Variants in UTRN observed in about 807,000 individuals in gnomAD.
UTRN encodes the protein dystrophin-related protein 1.
UTRN carries 283 observed loss-of-function variants against 463.9 expected under a neutral mutation model. That is an observed-to-expected ratio of 0.61 (90% CI 0.55 to 0.67). UTRN has a LOEUF of 0.67. Among genes scored for constraint, UTRN ranks in the 30% least tolerant of loss-of-function variants. The pLI, the probability that UTRN is intolerant of heterozygous loss-of-function variation, is 0.00. For synonymous variants in UTRN, 1,442 were observed against 1,431.5 expected (o/e 1.01, Z -0.17); for missense variants, 3,922 against 4,084.3 (o/e 0.96, Z 1.08).
chr6:144,785,127 C>T (rs1018449466), intron 61 of UTRN, among the ~76,000 whole-genome samples: 1 of 152,198 alleles, frequency 6.6e-6, no homozygotes, highest in Non-Finnish European at 1.5e-5. Flanking sequence ...ATAGAAATTA[C>T]TATCTACCCT....
intron 30 of UTRN, among the ~76,000 whole-genome samples, chr6:144,489,278 T>G (rs1792795243): frequency 6.6e-6 from 1 of 152,126 alleles, no homozygotes; most frequent in Non-Finnish European, 1.5e-5. Flanking sequence ...CTTGAACTCC[T>G]GACTTCAAGT....
intron 7 of UTRN, among the ~76,000 whole-genome samples, chr6:144,427,250 T>A (rs1053190205): frequency 2.0e-5 from 3 of 151,968 alleles, no homozygotes; most frequent in Middle Eastern, 3.2e-3. Flanking sequence ...AAAAAAAAAA[T>A]AATAATTTCT....
intron 3 of UTRN, among the ~76,000 whole-genome samples, chr6:144,419,320 G>T (rs189517823): frequency 6.6e-6 from 1 of 152,136 alleles, no homozygotes; most frequent in Non-Finnish European, 1.5e-5. Flanking sequence ...TGAATCTATC[G>T]CTGCCTGTGA....
At chr6:144,596,292 A>C (rs541673234) in intron 51 of UTRN, among the ~76,000 whole-genome samples, 8 of 152,168 alleles carry the variant, frequency 5.3e-5, no homozygotes, top group Non-Finnish European at 1.2e-4. Context: ...GCTGTCGTCC[A>C]GGTGTCTTAT....
Position 144,286,649 on chromosome 6 carries a change from T to C in UTRN, c.-93+828T>C, listed in dbSNP as rs371559189. 2.2e-4 allele frequency among the ~76,000 whole-genome samples: 34 copies of C among 151,662 alleles called. 1 individual carries two copies. The highest frequency in any genetic ancestry group is 7.5e-4 in the African/African-American group (31 of 41,244). ...CACTTAAAAACCAACAAAGCACCAA[T>C]TGAAGGCTGTGCAACTTTCAGATGG... is the stretch of plus-strand genomic sequence containing the variant. On this transcript the variant is annotated intron_variant, in intron 1 of 74. Coordinates refer to ENST00000367545, the MANE Select transcript of UTRN (RefSeq NM_007124.3). The surrounding 1 kb of genome is among the most constrained non-coding windows in gnomAD (Gnocchi z 4.4).
chr6:144,399,398 A>G (rs1243293230), intron 2 of UTRN, among the ~76,000 whole-genome samples: 1 of 152,180 alleles, frequency 6.6e-6, no homozygotes, highest in Non-Finnish European at 1.5e-5. Flanking sequence ...TGCTTTTGTT[A>G]CTTCCAAAAT....
At chr6:144,370,900 G>A (rs1779923906) in intron 2 of UTRN, among the ~76,000 whole-genome samples, 1 of 152,172 alleles carries the variant, frequency 6.6e-6, no homozygotes, top group African/African-American at 2.4e-5. Context: ...TATTCGTACT[G>A]AAAATCAAGA....
At chr6:144,560,256 T>C (rs190238295) in intron 50 of UTRN, among the ~76,000 whole-genome samples, 5 of 152,280 alleles carry the variant, frequency 3.3e-5, no homozygotes, top group Non-Finnish European at 7.4e-5. Context: ...TTATTGTCTC[T>C]AAAAACAGTT....
chr6:144,502,376 A>T (rs192440864), intron 34 of UTRN, among the ~76,000 whole-genome samples: 1 of 152,024 alleles, frequency 6.6e-6, no homozygotes, highest in African/African-American at 2.4e-5. Flanking sequence ...CGTCATCTAC[A>T]TTAGGTATTT....
At chr6:144,449,539 G>A (rs542814640) in intron 17 of UTRN, among the ~76,000 whole-genome samples, 2 of 152,276 alleles carry the variant, frequency 1.3e-5, no homozygotes, top group South Asian at 4.1e-4. Flanking sequence ...TTAGATGGCC[G>A]TCTCTTCTCT....
At chr6:144,771,836 A>C in intron 58 of UTRN, 71 bp from the exon 59 acceptor site, 234 of 1,134,084 alleles carry the variant, frequency 2.1e-4, no homozygotes, top group Non-Finnish European at 2.7e-4. Context: ...CTACTTGGGT[A>C]TTTCGTTTTT....
At chr6:144,834,037 AG>A (rs1303358054) in intron 69 of UTRN, among the ~76,000 whole-genome samples, 3 of 152,188 alleles carry the variant, frequency 2.0e-5, no homozygotes, top group Non-Finnish European at 1.5e-5. Context: ...GGGTTCTTGC[AG>A]AGGTTCCTTC....
At chr6:144,416,931 G>A (rs1469011230) in intron 3 of UTRN, among the ~76,000 whole-genome samples, 2 of 152,192 alleles carry the variant, frequency 1.3e-5, no homozygotes, top group African/African-American at 4.8e-5. Context: ...CTCTTTGTCA[G>A]AGAAGTCTCT....
chr6:144,720,122 G>T (rs73779114), intron 53 of UTRN, among the ~76,000 whole-genome samples: 3,904 of 152,232 alleles, frequency 0.026, 165 homozygotes, highest in African/African-American at 0.079. Flanking sequence ...TAAAAGATTT[G>T]CAGGATCCCA....
intron 9 of UTRN, among the ~76,000 whole-genome samples, chr6:144,433,521 G>A (rs1008678269): frequency 2.0e-5 from 3 of 151,782 alleles, no homozygotes; most frequent in Admixed American, 6.5e-5. Context: ...TGGCTGCCGG[G>A]CAGAGGGGCT....
intron 51 of UTRN, among the ~76,000 whole-genome samples, chr6:144,652,812 A>C (rs796568695): frequency 6.6e-6 from 1 of 152,184 alleles, no homozygotes; most frequent in African/African-American, 2.4e-5. Flanking sequence ...TGACCAGCCC[A>C]CTGCTGCAGA....
At chr6:144,381,103 G>C (rs900603163) in intron 2 of UTRN, among the ~76,000 whole-genome samples, 1 of 151,482 alleles carries the variant, frequency 6.6e-6, no homozygotes, top group East Asian at 1.9e-4. Flanking sequence ...GTTTGTTTAC[G>C]GATTATTTCA....
At chr6:144,620,639 C>T (rs912299132) in intron 51 of UTRN, among the ~76,000 whole-genome samples, 2 of 151,980 alleles carry the variant, frequency 1.3e-5, no homozygotes, top group African/African-American at 2.4e-5. Context: ...TCATGAAAAC[C>T]TACCTTCTCT....
At chr6:144,383,761 C>T (rs951967831) in intron 2 of UTRN, among the ~76,000 whole-genome samples, 1 of 152,124 alleles carries the variant, frequency 6.6e-6, no homozygotes, top group African/African-American at 2.4e-5. Context: ...GCAGTGTGTA[C>T]CATAGTGAGT....
Sources: gnomAD v4.1 joint callset for allele counts (sites outside exome capture counted in the v4.1 genomes callset) on GRCh38, gnomAD v4.1.1 for gene constraint, Gnocchi (gnomAD v3.1) non-coding constraint, MANE v1.5 for transcripts, NCBI Gene and HGNC (gene_info 2026-07-23, HGNC 2026-07-21) for gene names.